Variants in TP73 observed in about 807,000 individuals in gnomAD.
TP73 encodes the protein p53-like transcription factor.
Under a neutral mutation model 62.5 loss-of-function variants are expected in TP73, and 25 were observed. The ratio of observed to expected loss-of-function variants is 0.40; its 90% CI spans 0.29 to 0.56. The LOEUF is 0.56. Ranked by LOEUF, TP73 falls within the 20% of genes least tolerant of loss-of-function variation. The pLI is 0.46. For synonymous variants in TP73, 423 were observed against 377.5 expected (o/e 1.12, Z -1.40); for missense variants, 754 against 913.3 (o/e 0.83, Z 2.25).
intron 3 of TP73, among the ~76,000 whole-genome samples, chr1:3,705,305 T>G (rs562522902): frequency 1.3e-5 from 2 of 152,376 alleles, no homozygotes; most frequent in Non-Finnish European, 2.9e-5. Flanking sequence ...TTTATCCATT[T>G]GCCATTCAGT....
chr1:3,681,222 C>T lies in TP73; in HGVS notation c.-33-1111C>T, dbSNP rs946636094. Among the ~76,000 whole-genome samples, 8 of 152,354 alleles carry T rather than the reference C, an allele frequency of 5.3e-5. No homozygotes were observed. The East Asian group carries it at 9.6e-4, about 18-fold the overall frequency. On this transcript the variant is annotated intron_variant, in intron 1 of 13. Transcript: ENST00000378295. ...GGCCATGGCCTGCACCCCCGCTGGC[C>T]GTGGGCAGGTCCAGGCCTGCCTGCC...
rs749233926 is a variant in TP73 at position 3,728,126 on chromosome 1, C to T, written c.986-3C>T. 2.5e-6 allele frequency: 4 copies of T among 1,609,052 alleles called. No homozygotes were observed. In the East Asian group the frequency reaches 8.9e-5, roughly 36 times the overall value. On this transcript the variant is annotated splice_polypyrimidine_tract_variant and splice_region_variant and intron_variant, in intron 8 of 13. Coordinates refer to ENST00000378295, the MANE Select transcript of TP73 (RefSeq NM_005427.4). ...ACCCCGCCTGCCCTGCCTGGCCTTC[C>T]AGCCTTCAAGCAGAGCCCCCCTGCC...
chr1:3,708,154 A>G (rs1639831082), intron 4 of TP73: 1 of 324,408 alleles, frequency 3.1e-6, no homozygotes, highest in Non-Finnish European at 5.9e-6. Context: ...TGCTGCCAAG[A>G]GTTGTCTGTC....
intron 4 of TP73, chr1:3,708,087 C>G (rs1333484239): frequency 6.0e-6 from 3 of 501,336 alleles, no homozygotes; most frequent in African/African-American, 5.8e-5. Flanking sequence ...AGCGGCTTCC[C>G]CATGCTCAGG....
In TP73 at chr1:3,727,004, A is replaced by G. The variant is rs1450470201; in HGVS notation, c.733-111A>G. The G allele has an allele frequency of 6.1e-6, 5 of 825,290 alleles. No homozygotes were observed. The African/African-American group carries it at 6.9e-5, about 11-fold the overall frequency. 51.1% of individuals were successfully genotyped at this position (825,290 alleles called of 1,614,324 possible). On this transcript the variant is annotated intron_variant, in intron 6 of 13. Coordinates refer to ENST00000378295, the MANE Select transcript of TP73 (RefSeq NM_005427.4). ...AATGGCAACAACTATAGAGCAGGGCATCCCCCTGCCTACGTGGAGCCAGGA... is the reference window on the plus strand; with the variant it reads ...AATGGCAACAACTATAGAGCAGGGCGTCCCCCTGCCTACGTGGAGCCAGGA...
chr1:3,712,946 C>T (rs887315645), intron 4 of TP73, among the ~76,000 whole-genome samples: 2 of 149,206 alleles, frequency 1.3e-5, no homozygotes, highest in African/African-American at 4.9e-5. Context: ...CCCCCTGCCC[C>T]ACCCTCTGCT....
Position 3,672,958 on chromosome 1 carries a change from G to A in TP73, c.-33-9375G>A, listed in dbSNP as rs557703513. On this transcript the variant is annotated intron_variant, in intron 1 of 13. Transcript: ENST00000378295. This position sits in a 1 kb window ranked among gnomAD's most constrained non-coding sequence, Gnocchi z 5.3. ...CCCACTCCAAGGCGCAAGCAAGCTG[G>A]GGCTGGGGTGCAGACTTCTCTTCCA... Among the ~76,000 whole-genome samples the A allele has an allele frequency of 6.6e-6, 1 of 152,334 alleles. No homozygotes were observed. The highest frequency in any genetic ancestry group is 1.9e-4 in the East Asian group (1 of 5,176).
chr1:3,654,081 C>T (rs1005037317), intron 1 of TP73, among the ~76,000 whole-genome samples: 5 of 152,196 alleles, frequency 3.3e-5, no homozygotes, highest in African/African-American at 1.2e-4. Flanking sequence ...GGCTGAGGCA[C>T]AAGAATTGCT....
chr1:3,673,412 C>T (rs775735725), intron 1 of TP73, among the ~76,000 whole-genome samples: 5 of 152,194 alleles, frequency 3.3e-5, no homozygotes, highest in Non-Finnish European at 7.4e-5. Flanking sequence ...CAACTCGATA[C>T]GGTTTATGGG....
At chr1:3,723,502 T>A in intron 6 of TP73, 33 bp downstream of exon 6, 4 of 1,196,456 alleles carry the variant, frequency 3.3e-6, no homozygotes, top group Admixed American at 1.8e-5. Flanking sequence ...CCCAGGGCCC[T>A]GCAGTCAGCT....
At position 3,696,080 on chromosome 1, in the gene TP73, G is replaced by A. The variant is rs949053150; in HGVS notation, c.187-11469G>A. ...AGGAGCCGCATGCAGGGAGGAGGAC[G>A]ACGAGCGAGCAGTTCCCAAAGCCCC... On this transcript the variant is annotated intron_variant, in intron 3 of 13. Transcript: ENST00000378295. This position sits in a 1 kb window ranked among gnomAD's most constrained non-coding sequence, Gnocchi z 4.1. 3.9e-5 allele frequency among the ~76,000 whole-genome samples: 6 copies of A among 152,090 alleles called. No homozygotes were observed. The highest frequency in any genetic ancestry group is 8.8e-5 in the Non-Finnish European group (6 of 67,994).
chr1:3,659,737 A>G (rs1557480472), intron 1 of TP73, among the ~76,000 whole-genome samples: 1 of 152,194 alleles, frequency 6.6e-6, no homozygotes, highest in Non-Finnish European at 1.5e-5. Flanking sequence ...GCTAGAGTGT[A>G]GTGGCATCAT....
In TP73 at chr1:3,722,206, A is replaced by C; in HGVS notation, c.615A>C (p.Glu205Asp). The C allele has an allele frequency of 6.2e-7, 1 of 1,612,496 alleles. No homozygotes were observed. Among genetic ancestry groups the C allele is most frequent in the Non-Finnish European group, 8.5e-7 (1 of 1,179,764 alleles). ...ACGAGCTCGGGAGGGACTTCAACGA[A>C]GGTGAGGGCCCCCAGCTCCTCTGCC... ...PNHELGRDFN[E>D]GQSAPASHLI... Residue 205 changes from glutamate to aspartate, a missense_variant and splice_region_variant, in exon 5 of 14, where the codon GAA (glutamate) becomes GAC (aspartate). By Grantham distance (45) the Glu-to-Asp change is conservative (BLOSUM62 2). Transcript: ENST00000378295.
chr1:3,721,096 G>A (rs1192596537), intron 4 of TP73, among the ~76,000 whole-genome samples: 5 of 152,228 alleles, frequency 3.3e-5, no homozygotes, highest in Non-Finnish European at 5.9e-5. Flanking sequence ...GGAGCCAGAC[G>A]CTTGGGAAAT....
intron 1 of TP73, among the ~76,000 whole-genome samples, chr1:3,669,372 C>G (rs1645190698): frequency 6.6e-6 from 1 of 152,234 alleles, no homozygotes; most frequent in Non-Finnish European, 1.5e-5. Flanking sequence ...CAAGCCACAG[C>G]TCTGGGGAGC....
Position 3,701,973 on chromosome 1 carries a change from T to G in TP73, c.187-5576T>G, listed in dbSNP as rs1257091563. 6.6e-6 allele frequency among the ~76,000 whole-genome samples: 1 copy of G among 152,064 alleles called. No homozygotes were observed. The highest frequency in any genetic ancestry group is 1.5e-5 in the Non-Finnish European group (1 of 68,010). ...GTCCCTGGGAGGTCTCTCCTGCCCC[T>G]CTCCTGGATGGGCAGAGAGGCCTGG... On this transcript the variant is annotated intron_variant, in intron 3 of 13. Transcript: ENST00000378295. This position sits in a 1 kb window ranked among gnomAD's most constrained non-coding sequence, Gnocchi z 4.7.
chr1:3,730,404 G>A (rs1642040692), intron 11 of TP73, among the ~76,000 whole-genome samples: 1 of 152,218 alleles, frequency 6.6e-6, no homozygotes, highest in African/African-American at 2.4e-5. Flanking sequence ...GGCAGGCGAG[G>A]GAGCTTGGGG....
At chr1:3,732,633 G>C (rs1426856424) in intron 13 of TP73, 114 bp from the exon 14 acceptor site, 21 of 922,250 alleles carry the variant, frequency 2.3e-5, no homozygotes, top group Admixed American at 2.9e-5. Flanking sequence ...TGCCTACTCT[G>C]GTTGGGGGTG....
chr1:3,703,630 A>G (rs1323811801), intron 3 of TP73, among the ~76,000 whole-genome samples: 4 of 152,280 alleles, frequency 2.6e-5, no homozygotes. Context: ...GAATGTGGAC[A>G]AGTTAAAATA....
Sources: allele counts gnomAD v4.1 joint callset (sites outside exome capture counted in the v4.1 genomes callset), GRCh38; gene constraint gnomAD v4.1.1; non-coding constraint Gnocchi (gnomAD v3.1); transcripts MANE v1.5; gene names NCBI Gene and HGNC (gene_info 2026-07-23, HGNC 2026-07-21).